Variants in SLC30A8 observed in about 807,000 individuals in gnomAD.
The protein encoded by SLC30A8 is proton-coupled zinc antiporter SLC30A8.
Under a neutral mutation model 36.9 loss-of-function variants are expected in SLC30A8, and 27 were observed. That is an observed-to-expected ratio of 0.73 (90% CI 0.54 to 1.01). The LOEUF (loss-of-function observed/expected upper bound fraction) is 1.01, where lower values mean the gene tolerates loss of function less well. Among genes scored for constraint, SLC30A8 ranks in the 50% least tolerant of loss-of-function variants. The pLI is 0.00. For synonymous variants in SLC30A8, 164 were observed against 172.4 expected, an observed-to-expected ratio of 0.95 and a Z score of 0.38; for missense variants, 439 against 452.0, an observed-to-expected ratio of 0.97 and a Z score of 0.26.
At chr8:117,145,326 G>C (rs918133123) in intron 1 of SLC30A8, among the ~76,000 whole-genome samples, 3 of 151,714 alleles carry the variant, frequency 2.0e-5, no homozygotes, top group African/African-American at 7.3e-5. Flanking sequence ...TTGTCTCTTG[G>C]AGAGGATTAC....
upstream of SLC30A8, chr8:116,950,287 C>T: frequency 6.0e-6 from 1 of 167,796 alleles, no homozygotes. Context: ...TGCCAGCATG[C>T]TGTCACCTCT....
intron 2 of SLC30A8, among the ~76,000 whole-genome samples, chr8:117,115,458 T>C (rs73315698): frequency 0.057 from 8,673 of 152,170 alleles, 660 homozygotes; most frequent in African/African-American, 0.17. Flanking sequence ...TTGGTCCCCC[T>C]GCAATTTCTT....
intron 1 of SLC30A8, among the ~76,000 whole-genome samples, chr8:116,952,007 A>C (rs1814011027): frequency 6.6e-6 from 1 of 152,086 alleles, no homozygotes; most frequent in South Asian, 2.1e-4. Flanking sequence ...AAGCAAACTT[A>C]CCTTGGATGT....
At chr8:116,988,525 C>G (rs527980812) in intron 1 of SLC30A8, among the ~76,000 whole-genome samples, 2 of 152,306 alleles carry the variant, frequency 1.3e-5, no homozygotes, top group African/African-American at 4.8e-5. Context: ...ACCTTCTGTT[C>G]ATTCTTTAAA....
intron 2 of SLC30A8, among the ~76,000 whole-genome samples, chr8:117,115,127 A>G (rs1820391531): frequency 6.6e-6 from 1 of 151,858 alleles, no homozygotes; most frequent in Non-Finnish European, 1.5e-5. Flanking sequence ...TTTTGTAGAG[A>G]CAGGGTCTCA....
intron 2 of SLC30A8, among the ~76,000 whole-genome samples, chr8:117,098,698 A>C (rs1053040691): frequency 2.0e-5 from 3 of 152,168 alleles, no homozygotes; most frequent in African/African-American, 7.2e-5. Flanking sequence ...GCACAAAGAA[A>C]TGCCAAATAA....
intron 1 of SLC30A8, among the ~76,000 whole-genome samples, chr8:117,011,425 T>C (rs983983932): frequency 6.6e-6 from 1 of 152,238 alleles, no homozygotes; most frequent in Non-Finnish European, 1.5e-5. Flanking sequence ...AATAGCTCGT[T>C]TGTGAAACTC....
intron 1 of SLC30A8, 114 bp downstream of exon 1, chr8:117,135,512 A>C (rs2130933518): frequency 3.2e-6 from 2 of 625,622 alleles, no homozygotes; most frequent in East Asian, 5.7e-5. Context: ...GGCACTCTGG[A>C]ACATTTTATA....
At chr8:116,977,232 T>G (rs955676966) in intron 1 of SLC30A8, among the ~76,000 whole-genome samples, 1 of 129,480 alleles carries the variant, frequency 7.7e-6, no homozygotes, top group Non-Finnish European at 1.6e-5. Flanking sequence ...CACTGCAAGC[T>G]CCGCCTCCTG....
chr8:117,008,063 GC>G (rs1223301235), intron 1 of SLC30A8, among the ~76,000 whole-genome samples: 6 of 152,096 alleles, frequency 3.9e-5, no homozygotes, highest in African/African-American at 1.4e-4. Context: ...GCTGGTAGTG[GC>G]AAAACCCATA....
chr8:117,147,113 T>C lies in SLC30A8; in HGVS notation c.231T>C (p.Ala77=). 1 of 1,614,116 alleles carries C rather than the reference T, an allele frequency of 6.2e-7. No homozygotes were observed. The highest frequency in any genetic ancestry group is 8.5e-7 in the Non-Finnish European group (1 of 1,180,012). ...ATGCCAAGTGGAAACTCTGTTCTGC[T>C]TCAGCAATATGCTTCATTTTCATGA... The part of the protein sequence containing the change: ...YAYAKWKLCS[A]SAICFIFMIA... The change falls in exon 2 of 8, where the codon GCT becomes GCC. Residue 77 remains alanine (A), a synonymous_variant. Transcript: ENST00000456015.
At chr8:116,978,776 G>T (rs1815146235) in intron 1 of SLC30A8, among the ~76,000 whole-genome samples, 1 of 152,032 alleles carries the variant, frequency 6.6e-6, no homozygotes, top group Non-Finnish European at 1.5e-5. Context: ...CCAGTCCAGT[G>T]GCCTTAAAAA....
chr8:117,056,973 C>T (rs1198161869), intron 2 of SLC30A8, among the ~76,000 whole-genome samples: 1 of 152,146 alleles, frequency 6.6e-6, no homozygotes, highest in Non-Finnish European at 1.5e-5. Context: ...AACCTTTGAG[C>T]CACAGAATCT....
At chr8:117,078,498 T>C (rs1050677132) in intron 2 of SLC30A8, among the ~76,000 whole-genome samples, 11 of 152,176 alleles carry the variant, frequency 7.2e-5, no homozygotes, top group African/African-American at 2.4e-4. Flanking sequence ...CCCATGTTGC[T>C]GAGTCCATGC....
chr8:117,103,024 C>A lies in SLC30A8; in HGVS notation c.-225-32256C>A, dbSNP rs191986401. Among the ~76,000 whole-genome samples the A allele has an allele frequency of 1.8e-4, 27 of 152,192 alleles. No homozygotes were observed. In the East Asian group the frequency reaches 5.0e-3, roughly 28 times the overall value. On this transcript the variant is annotated intron_variant, in intron 2 of 10. Transcript: ENST00000427715. ...CAAAAGTCTTGAGTCATTCCAGCAT[C>A]AACTCAAAGTCCAAAATCTTACTAC...
intron 1 of SLC30A8, among the ~76,000 whole-genome samples, chr8:116,951,559 C>G (rs1813992204): frequency 6.6e-6 from 1 of 152,086 alleles, no homozygotes; most frequent in Non-Finnish European, 1.5e-5. Context: ...GCATCTACCA[C>G]ATGTATCGTA....
At position 117,045,929 on chromosome 8, in the gene SLC30A8, TC is replaced by T. The variant is rs144767927; in HGVS notation, c.-226+6676del. 1.6e-3 allele frequency among the ~76,000 whole-genome samples: 239 copies of T among 151,572 alleles called. 1 individual carries two copies. Among genetic ancestry groups the T allele is most frequent in the African/African-American group, 4.5e-3 (186 of 41,366 alleles). ...AGCCTGGGCAGACTGTTTTTTTTTT[TC>T]CCCCTTCTTTTTTCTTTCTTTTTTT... On this transcript the variant is annotated intron_variant, in intron 2 of 10. Coordinates refer to the SLC30A8 transcript ENST00000427715.
At chr8:117,061,494 T>G (rs1197719746) in intron 2 of SLC30A8, among the ~76,000 whole-genome samples, 1 of 152,220 alleles carries the variant, frequency 6.6e-6, no homozygotes, top group African/African-American at 2.4e-5. Flanking sequence ...ATAAAGATCA[T>G]CTCAGAAGAA....
chr8:116,989,053 A>C (rs181522042), intron 1 of SLC30A8, among the ~76,000 whole-genome samples: 1 of 152,366 alleles, frequency 6.6e-6, no homozygotes, highest in Admixed American at 6.5e-5. Context: ...ATACATAAGA[A>C]GAGATAAATA....
Sources: allele counts gnomAD v4.1 joint callset (sites outside exome capture counted in the v4.1 genomes callset), GRCh38; gene constraint gnomAD v4.1.1; transcripts MANE v1.5; gene names NCBI Gene and HGNC (gene_info 2026-07-23, HGNC 2026-07-21).